The following CD244 variants were observed in gnomAD, a reference collection of about 807,000 sequenced individuals.
CD244 encodes the protein natural killer cell receptor 2B4.
In CD244, 20 loss-of-function variants were observed where a neutral mutation model predicts 45.5. The observed-to-expected ratio is 0.44, with a 90% CI of 0.31 to 0.64. The LOEUF (loss-of-function observed/expected upper bound fraction) is 0.64, where lower values mean the gene tolerates loss of function less well. Among genes scored for constraint, CD244 ranks in the 30% least tolerant of loss-of-function variants. CD244 has a pLI of 0.08. For missense variants in CD244, 407 were observed against 426.9 expected (o/e 0.95, Z 0.41); for synonymous variants, 185 against 160.5 (o/e 1.15, Z -1.15).
At chr1:160,849,695 A>T (rs1669853706) in intron 1 of CD244, among the ~76,000 whole-genome samples, 1 of 152,200 alleles carries the variant, frequency 6.6e-6, no homozygotes, top group Non-Finnish European at 1.5e-5. Flanking sequence ...TAGTTCAACA[A>T]AACAAGGAAA....
At chr1:160,840,925 G>C (rs1669519594) in intron 3 of CD244, among the ~76,000 whole-genome samples, 1 of 152,226 alleles carries the variant, frequency 6.6e-6, no homozygotes, top group Admixed American at 6.5e-5. Flanking sequence ...ATGTTCAGGA[G>C]CCATTTCAGG....
In CD244 at chr1:160,838,927, C is replaced by T. The variant is rs1454354159; in HGVS notation, c.766+12G>A. On this transcript the variant is annotated intron_variant, in intron 4 of 8. Transcript: ENST00000368034. ...TCAGGCAGGAGCACCACCCTAAGGA[C>T]CTTCCACTCACCTGACTGCTTCTCC... 19 of 1,590,008 alleles carry T rather than the reference C, an allele frequency of 1.2e-5. No homozygotes were observed. Among genetic ancestry groups the T allele is most frequent in the South Asian group, 4.5e-5 (4 of 89,784 alleles).
intron 6 of CD244, 147 bp from the exon 7 acceptor site, chr1:160,834,263 A>G: frequency 1.6e-6 from 1 of 620,326 alleles, no homozygotes; most frequent in South Asian, 2.0e-5. Flanking sequence ...CCAGGAGGTC[A>G]GACAACCTGA....
Position 160,862,606 on chromosome 1 carries a change from G to A in CD244, c.61+11C>T. The A allele has an allele frequency of 6.2e-7, 1 of 1,613,360 alleles. No homozygotes were observed. The highest frequency in any genetic ancestry group is 1.1e-5 in the South Asian group (1 of 91,024). ...CCCTCCCTCGCCCCACGCCAGGTAG[G>A]ACCTCCTTACCTTTGCCCTGATACA... On this transcript the variant is annotated intron_variant, in intron 1 of 8. Coordinates refer to ENST00000368034, the MANE Select transcript of CD244 (RefSeq NM_016382.4).
chr1:160,853,101 C>G (rs781370518), intron 1 of CD244, among the ~76,000 whole-genome samples: 52 of 152,168 alleles, frequency 3.4e-4, no homozygotes, highest in Middle Eastern at 6.8e-3. Context: ...GTCATAATAA[C>G]TCAAAATGAG....
Position 160,841,673 on chromosome 1 carries a change from G to A in CD244, c.290C>T (p.Ala97Val). Residue 97 changes from alanine (A) to valine (V), a missense_variant, in exon 2 of 9, where the codon GCT becomes GTT. By Grantham distance (64) the Ala-to-Val change is moderately conservative (BLOSUM62 0). Transcript: ENST00000368034. ...GTAGAGGCCACTGTCCTGCTGCTGA[G>A]CTGCCTTGATGAGAAGACTCAAGTT... ...VKNLSLLIKA[A>V]QQQDSGLYCL... 6.2e-7 allele frequency: 1 copy of A among 1,614,200 alleles called. No homozygotes were observed. The highest frequency in any genetic ancestry group is 1.1e-5 in the South Asian group (1 of 91,078).
chr1:160,851,614 T>G (rs1669921623), intron 1 of CD244, among the ~76,000 whole-genome samples: 2 of 152,222 alleles, frequency 1.3e-5, no homozygotes, highest in African/African-American at 4.8e-5. Flanking sequence ...AGAGAATATC[T>G]TCTACATCTT....
chr1:160,842,358 C>T (rs959765749), intron 1 of CD244, among the ~76,000 whole-genome samples: 4 of 152,130 alleles, frequency 2.6e-5, no homozygotes, highest in East Asian at 1.9e-4. Context: ...TGAGGTGATC[C>T]TCCCATCTCA....
chr1:160,843,270 T>C lies in CD244; in HGVS notation c.62-1369A>G, dbSNP rs116691952. On this transcript the variant is annotated intron_variant, in intron 1 of 8. Transcript: ENST00000368034. ...TATGACTTGTACTGGCTCTGCCCAT[T>C]AGCAAACCAAAAGCTTCTCAAAAGC... Among the ~76,000 whole-genome samples, 309 of 152,350 alleles carry C rather than the reference T, an allele frequency of 2.0e-3. 2 individuals carry two copies. The highest frequency in any genetic ancestry group is 7.2e-3 in the African/African-American group (299 of 41,580).
At chr1:160,844,973 T>C (rs1669680593) in intron 1 of CD244, among the ~76,000 whole-genome samples, 1 of 151,752 alleles carries the variant, frequency 6.6e-6, no homozygotes. Context: ...CAAGACCTAA[T>C]CTCAAAAAAC....
At chr1:160,856,880 G>A (rs899810668) in intron 1 of CD244, among the ~76,000 whole-genome samples, 2 of 147,214 alleles carry the variant, frequency 1.4e-5, no homozygotes, top group Non-Finnish European at 3.0e-5. Context: ...AGAGTGAAAA[G>A]GCAACCAATA....
At chr1:160,861,183 C>T (rs1433536358) in intron 1 of CD244, among the ~76,000 whole-genome samples, 1 of 152,170 alleles carries the variant, frequency 6.6e-6, no homozygotes, top group African/African-American at 2.4e-5. Context: ...GCTCTCCTGC[C>T]TAGAATCCTG....
chr1:160,851,877 A>C (rs483197), intron 1 of CD244, among the ~76,000 whole-genome samples: 58,700 of 152,046 alleles, frequency 0.39, 11,798 homozygotes, highest in East Asian at 0.54. Flanking sequence ...CACACACACA[A>C]AAATAAATCA....
intron 5 of CD244, 122 bp downstream of exon 5, chr1:160,838,329 C>G: frequency 2.6e-6 from 2 of 780,516 alleles, no homozygotes; most frequent in South Asian, 2.8e-5. Context: ...TGGGGAAGGG[C>G]TGAGGGTCAC....
intron 1 of CD244, among the ~76,000 whole-genome samples, chr1:160,857,881 T>C (rs1331706618): frequency 6.6e-6 from 1 of 151,592 alleles, no homozygotes; most frequent in Non-Finnish European, 1.5e-5. Context: ...ACCCCATCTC[T>C]ACACAAAAAT....
In CD244 at chr1:160,832,762, C is replaced by T. The variant is rs535544492; in HGVS notation, c.961-187G>A. ...GTGTTTATGGTCTCCAGGGAAGACA[C>T]AATATATACAGTATTTGCCTATAAT... On this transcript the variant is annotated intron_variant, in intron 7 of 8. Transcript: ENST00000368034. 24 of 1,221,570 alleles carry T rather than the reference C, an allele frequency of 2.0e-5. No homozygotes were observed. The Admixed American group carries it at 3.5e-4, about 18-fold the overall frequency. 75.7% of individuals were successfully genotyped at this position (1,221,570 alleles called of 1,614,324 possible).
intron 1 of CD244, chr1:160,848,160 C>T (rs1669800455): frequency 2.1e-6 from 1 of 486,874 alleles, no homozygotes; most frequent in African/African-American, 2.0e-5. Flanking sequence ...TACAAGAGCT[C>T]CTGCTCTCAC....
rs1339487273 is a variant in CD244, at chr1:160,836,406, T to A, written c.835-152A>T. On this transcript the variant is annotated intron_variant, in intron 5 of 8. Coordinates refer to ENST00000368034, the MANE Select transcript of CD244 (RefSeq NM_016382.4). ...GGGAGAGTCATTGATCCTCCCAAGA[T>A]GGGAAGAGACAGGAAGAAGAGCAGT... 3 of 678,918 alleles carry A rather than the reference T, an allele frequency of 4.4e-6. No homozygotes were observed. In the African/African-American group the frequency reaches 5.3e-5, roughly 12 times the overall value. 42.1% of individuals were successfully genotyped at this position (678,918 alleles called of 1,614,324 possible). A position where few individuals can be genotyped will look rare whatever the true frequency, so the allele number is the denominator to read the frequency against.
intron 1 of CD244, among the ~76,000 whole-genome samples, chr1:160,853,042 G>T (rs1669975765): frequency 6.6e-6 from 1 of 151,978 alleles, no homozygotes; most frequent in African/African-American, 2.4e-5. Flanking sequence ...AGAAAATCTG[G>T]TGTTTATATC....
Sources: gnomAD v4.1 joint callset for allele counts (sites outside exome capture counted in the v4.1 genomes callset) on GRCh38, gnomAD v4.1.1 for gene constraint, MANE v1.5 for transcripts, NCBI Gene and HGNC (gene_info 2026-07-23, HGNC 2026-07-21) for gene names.